Variants in BCLAF1 observed in about 807,000 individuals in gnomAD.
The protein encoded by BCLAF1 is bcl-2-associated transcription factor 1.
BCLAF1 carries 10 observed loss-of-function variants against 99.5 expected under a neutral mutation model. That is an observed-to-expected ratio of 0.10 (90% CI 0.06 to 0.17). The LOEUF (loss-of-function observed/expected upper bound fraction) is 0.17, where lower values mean the gene tolerates loss of function less well. Ranked by LOEUF, BCLAF1 falls within the 10% of genes least tolerant of loss-of-function variation. The pLI is 1.00. For missense variants in BCLAF1, 636 were observed against 1,105.8 expected, an observed-to-expected ratio of 0.58 and a Z score of 6.02; for synonymous variants, 255 against 370.9, an observed-to-expected ratio of 0.69 and a Z score of 3.59.
intron 4 of BCLAF1, among the ~76,000 whole-genome samples, 179 bp from the exon 5 acceptor site, chr6:136,276,687 G>A (rs1783463853): frequency 6.6e-6 from 1 of 152,124 alleles, no homozygotes; most frequent in Admixed American, 6.6e-5. Flanking sequence ...TAGAACTTAT[G>A]TACTGACTTT....
intron 8 of BCLAF1, among the ~76,000 whole-genome samples, chr6:136,270,614 AG>A (rs944646388): frequency 6.6e-6 from 1 of 151,926 alleles, no homozygotes; most frequent in Non-Finnish European, 1.5e-5. Flanking sequence ...CTATTCACCT[AG>A]GTATTACCAA....
At chr6:136,280,626 C>A (rs188453075) in intron 2 of BCLAF1, among the ~76,000 whole-genome samples, 2 of 148,418 alleles carry the variant, frequency 1.3e-5, no homozygotes, top group East Asian at 3.9e-4. Flanking sequence ...ACTTGGGCAC[C>A]AGTAGTTTAA....
At position 136,268,218 on chromosome 6, in the gene BCLAF1, G is replaced by C. The variant is rs201815554; in HGVS notation, c.2341C>G (p.His781Asp). 1 of 1,571,564 alleles carries C rather than the reference G, an allele frequency of 6.4e-7. No homozygotes were observed. Among genetic ancestry groups the C allele is most frequent in the East Asian group, 2.2e-5 (1 of 44,524 alleles). ...AAGCCTGAGTATTCTTTCATTTCAT[G>C]GTGAGTTTTAAATTCTTCTTCTCTT... The part of the protein sequence containing the change: ...KEREEEFKTH[H>D]EMKEYSGFAG... Residue 781 changes from histidine to aspartate, a missense_variant, in exon 10 of 13, where the codon CAT becomes GAT. Physicochemically the swap from His to Asp is moderately conservative, Grantham distance 81. Around this residue, in one of 9 missense-constraint regions of BCLAF1, gnomAD observed 180 missense variants for 270.0 expected, o/e 0.67. Coordinates refer to ENST00000531224, the MANE Select transcript of BCLAF1 (RefSeq NM_014739.3).
At position 136,278,796 on chromosome 6, in the gene BCLAF1, C is replaced by T. The variant is rs1192762513; in HGVS notation, c.105-20G>A. 2 of 1,477,062 alleles carry T rather than the reference C, an allele frequency of 1.4e-6. No homozygotes were observed. The highest frequency in any genetic ancestry group is 1.8e-6 in the Non-Finnish European group (2 of 1,115,806). 91.5% of individuals were successfully genotyped at this position (1,477,062 alleles called of 1,614,324 possible). A position where few individuals can be genotyped will look rare whatever the true frequency, so the allele number is the denominator to read the frequency against. ...CTAGAACTAAAAATGAAATAAATAT[C>T]AATGCAAGAAAAATAAAGTATTCCA... On this transcript the variant is annotated intron_variant, in intron 3 of 12. Transcript: ENST00000531224.
intron 11 of BCLAF1, among the ~76,000 whole-genome samples, chr6:136,264,379 G>T (rs903083177): frequency 1.3e-5 from 2 of 151,530 alleles, no homozygotes; most frequent in Non-Finnish European, 2.9e-5. Flanking sequence ...GCTAATTTTC[G>T]TTTTTTTTGT....
intron 11 of BCLAF1, among the ~76,000 whole-genome samples, chr6:136,265,201 G>A (rs966252172): frequency 1.3e-5 from 2 of 151,692 alleles, no homozygotes; most frequent in Non-Finnish European, 2.9e-5. Flanking sequence ...TCTTTATCTC[G>A]TCTCTTCTGT....
chr6:136,265,112 T>C (rs1742048710), intron 11 of BCLAF1, among the ~76,000 whole-genome samples: 1 of 152,188 alleles, frequency 6.6e-6, no homozygotes, highest in South Asian at 2.1e-4. Context: ...CTTAACCTTC[T>C]GACCTATCTA....
rs768758035 is a variant in BCLAF1 at position 136,275,560 on chromosome 6, G to A, written c.1824C>T (p.His608=). The stretch of plus-strand genomic sequence containing the variant: ...TAACATGATGAACCAAGGACACAAT[G>A]TGTTGAATAAATGACTCTGAAGTGC... ...SKSTSESFIQ[H]IVSLVHHVKE... Residue 608 remains histidine, a synonymous_variant, in exon 6 of 13, where the codon CAC becomes CAT. Coordinates refer to ENST00000531224, the MANE Select transcript of BCLAF1 (RefSeq NM_014739.3). 3 of 1,572,788 alleles carry A rather than the reference G, an allele frequency of 1.9e-6. No individual in the cohort carries two copies. The highest frequency in any genetic ancestry group is 1.2e-5 in the South Asian group (1 of 83,438).
At chr6:136,269,093 A>G (rs1178151837) in intron 9 of BCLAF1, 3 of 1,142,852 alleles carry the variant, frequency 2.6e-6, no homozygotes, top group Non-Finnish European at 3.3e-6. Context: ...TCTGGGTGTT[A>G]TGAGTTGAAA....
chr6:136,282,861 C>CT (rs1208997400), intron 1 of BCLAF1, among the ~76,000 whole-genome samples, 174 bp from the exon 2 acceptor site: 1 of 152,136 alleles, frequency 6.6e-6, no homozygotes, highest in African/African-American at 2.4e-5. Flanking sequence ...TAAAATTCAA[C>CT]TTTTTTGTAA....
intron 1 of BCLAF1, among the ~76,000 whole-genome samples, chr6:136,284,927 T>C (rs540265847): frequency 2.0e-5 from 3 of 152,162 alleles, no homozygotes; most frequent in East Asian, 1.9e-4. Context: ...GAGGTAACAT[T>C]TGGGCCTAAA....
chr6:136,278,929 T>C (rs1253640050), intron 3 of BCLAF1, among the ~76,000 whole-genome samples, 153 bp from the exon 4 acceptor site: 1 of 150,594 alleles, frequency 6.6e-6, no homozygotes, highest in Non-Finnish European at 1.5e-5. Context: ...TGGTTTCCAA[T>C]CAAAAAGCCT....
chr6:136,276,239 C>A lies in BCLAF1; in HGVS notation c.1286G>T (p.Arg429Leu). The A allele has an allele frequency of 6.2e-7, 1 of 1,605,850 alleles. No individual in the cohort carries two copies. Among genetic ancestry groups the A allele is most frequent in the Non-Finnish European group, 8.5e-7 (1 of 1,177,012 alleles). Residue 429 changes from arginine (R) to leucine (L), a missense_variant, in exon 5 of 13, where the codon CGG becomes CTG. Transcript: ENST00000531224. ...QGKSFATASH[R>L]NTEEEGLKYK... Reference sequence around the variant, plus strand: ...CTTGAGTCCTTCCTCCTCAGTATTCCGGTGAGATGCAGTAGCAAAACTTTT... The same window carrying A: ...CTTGAGTCCTTCCTCCTCAGTATTCAGGTGAGATGCAGTAGCAAAACTTTT...
Position 136,278,046 on chromosome 6 carries a change from T to A in BCLAF1, c.835A>T (p.Asn279Tyr). 1 of 1,599,680 alleles carries A rather than the reference T, an allele frequency of 6.3e-7. No individual in the cohort carries two copies. The highest frequency in any genetic ancestry group is 1.3e-5 in the African/African-American group (1 of 74,548). Residue 279 changes from asparagine to tyrosine, a missense_variant, in exon 4 of 13, where the codon AAT becomes TAT. This residue lies in a region of BCLAF1 where 5 missense variants were observed against 35.0 expected (regional missense o/e 0.14). Coordinates refer to ENST00000531224, the MANE Select transcript of BCLAF1 (RefSeq NM_014739.3). ...PERSGSGSVGNGSSRYSPSQN... is the reference protein window; with the variant it reads ...PERSGSGSVGYGSSRYSPSQN... ...GAAGGACTGTATCGACTAGATCCAT[T>A]TCCAACAGAACCAGACCCAGACCTT...
rs775782991 is a variant in BCLAF1, at chr6:136,271,995, C to T, written c.2043G>A (p.Lys681=). Reference sequence around the variant, plus strand: ...AAAAAAATTACATTCAAAAACATACCTTTTGATTTTCTTCTTTAAAAACTC... The same window carrying T: ...AAAAAAATTACATTCAAAAACATACTTTTTGATTTTCTTCTTTAAAAACTC... The part of the protein sequence containing the change: ...EERVFKEENQ[K]GDKKLRCDSA... The change falls in exon 8 of 13, where the codon AAG becomes AAA. Residue 681 remains lysine (K), a splice_region_variant and synonymous_variant. Transcript: ENST00000531224. 1.0e-5 allele frequency: 16 copies of T among 1,594,576 alleles called. No homozygotes were observed. Among genetic ancestry groups the T allele is most frequent in the East Asian group, 2.3e-5 (1 of 44,426 alleles).
intron 1 of BCLAF1, among the ~76,000 whole-genome samples, chr6:136,284,718 G>T (rs1342392881): frequency 4.6e-5 from 7 of 152,080 alleles, no homozygotes; most frequent in Non-Finnish European, 7.3e-5. Context: ...CTATTCTAAC[G>T]TTGGGAATAC....
intron 1 of BCLAF1, among the ~76,000 whole-genome samples, chr6:136,285,639 T>TATG (rs1315681157): frequency 6.6e-6 from 1 of 152,220 alleles, no homozygotes; most frequent in Non-Finnish European, 1.5e-5. Flanking sequence ...TAAATTGCCA[T>TATG]ATGTATCTTT....
At chr6:136,277,161 G>C (rs1488208997) in intron 4 of BCLAF1, among the ~76,000 whole-genome samples, 1 of 152,144 alleles carries the variant, frequency 6.6e-6, no homozygotes, top group Non-Finnish European at 1.5e-5. Context: ...TTCACTGTTA[G>C]CAACTTTCAG....
intron 6 of BCLAF1, among the ~76,000 whole-genome samples, chr6:136,275,074 C>T (rs1341742601): frequency 6.6e-6 from 1 of 151,716 alleles, no homozygotes; most frequent in African/African-American, 2.4e-5. Context: ...AGTGTTTTTC[C>T]ACCATTTCAG....
Sources: gnomAD v4.1 joint callset for allele counts (sites outside exome capture counted in the v4.1 genomes callset) on GRCh38, gnomAD v4.1.1 for gene constraint, gnomAD v4.1.1 regional missense constraint, MANE v1.5 for transcripts, NCBI Gene and HGNC (gene_info 2026-07-23, HGNC 2026-07-21) for gene names.